SH2D7: variants seen among roughly 807,000 people sequenced by gnomAD.
SH2D7 encodes SH2 domain containing 7, also known as SH2 domain-containing protein 7.
A neutral mutation model predicts 40.8 loss-of-function variants in SH2D7; 32 were observed. The observed-to-expected ratio is 0.78, with a 90% CI of 0.59 to 1.05. The LOEUF (loss-of-function observed/expected upper bound fraction) is 1.05, where lower values mean the gene tolerates loss of function less well. Ranked by LOEUF, SH2D7 falls within the 50% of genes least tolerant of loss-of-function variation. The pLI, the probability that SH2D7 is intolerant of heterozygous loss-of-function variation, is 0.00. For synonymous variants in SH2D7, 195 were observed against 221.5 expected, an observed-to-expected ratio of 0.88 and a Z score of 1.06; for missense variants, 559 against 566.6, an observed-to-expected ratio of 0.99 and a Z score of 0.14.
chr15:78,099,970 A>C (rs1193370244), intron 4 of SH2D7, among the ~76,000 whole-genome samples: 1 of 152,158 alleles, frequency 6.6e-6, no homozygotes, highest in Non-Finnish European at 1.5e-5. Context: ...ACATGACAGA[A>C]AATGTTGCCT....
chr15:78,094,005 T>G, intron 1 of SH2D7, 107 bp from the exon 2 acceptor site: 2 of 1,112,454 alleles, frequency 1.8e-6, no homozygotes, highest in Non-Finnish European at 2.6e-6. Context: ...GTTGGAGGTC[T>G]GGAACCCAAA....
intron 4 of SH2D7, 28 bp from the exon 5 acceptor site, chr15:78,100,870 TA>T: frequency 3.7e-6 from 6 of 1,604,878 alleles, no homozygotes; most frequent in Non-Finnish European, 5.1e-6. Context: ...GGCTGCCCCT[TA>T]AGAGTTTCTC....
intron 4 of SH2D7, among the ~76,000 whole-genome samples, chr15:78,099,263 C>T (rs745712026): frequency 9.3e-5 from 14 of 150,374 alleles, no homozygotes; most frequent in Middle Eastern, 7.3e-3. Flanking sequence ...GTGATCCGCC[C>T]GCCTTGGCTA....
chr15:78,092,873 G>GT, intron 1 of SH2D7, 113 bp downstream of exon 1: 1 of 1,331,178 alleles, frequency 7.5e-7, no homozygotes, highest in Non-Finnish European at 1.0e-6. Flanking sequence ...GGGCTAGGCA[G>GT]GGGCCCTTGG....
Position 78,092,577 on chromosome 15 carries a change from C to T in SH2D7, c.-8C>T, listed in dbSNP as rs2073946172. Reference sequence around the variant, plus strand: ...CTGCGCTCTGCTTCCACTCTGGTGCCTGCCAGCATGGAGGACAGCCTAAAG... The same window carrying T: ...CTGCGCTCTGCTTCCACTCTGGTGCTTGCCAGCATGGAGGACAGCCTAAAG... On this transcript the variant is annotated 5_prime_UTR_variant, in exon 1 of 6. Coordinates refer to ENST00000328828, the MANE Select transcript of SH2D7 (RefSeq NM_001101404.2). 1 of 1,544,294 alleles carries T rather than the reference C, an allele frequency of 6.5e-7. No homozygotes were observed. Among genetic ancestry groups the T allele is most frequent in the Non-Finnish European group, 8.8e-7 (1 of 1,142,430 alleles).
At chr15:78,095,936 G>A (rs547002807) in intron 2 of SH2D7, among the ~76,000 whole-genome samples, 30 of 152,180 alleles carry the variant, frequency 2.0e-4, no homozygotes, top group African/African-American at 5.8e-4. Context: ...TTTGCCTCCC[G>A]GGTTCAAGCA....
Position 78,101,230 on chromosome 15 carries a change from C to G in SH2D7, c.977C>G (p.Ala326Gly). 1 of 1,603,256 alleles carries G rather than the reference C, an allele frequency of 6.2e-7. No individual in the cohort carries two copies. Among genetic ancestry groups the G allele is most frequent in the South Asian group, 1.1e-5 (1 of 89,874 alleles). The change falls in exon 5 of 6, where the codon GCT becomes GGT. Residue 326 changes from alanine to glycine, a missense_variant. Coordinates refer to ENST00000328828, the MANE Select transcript of SH2D7 (RefSeq NM_001101404.2). Reference sequence around the variant, plus strand: ...TCTGATGCCATGGGATCCCTGGGGGCTACCTGGAGGCAGGAGTTTCCAAAG... The same window carrying G: ...TCTGATGCCATGGGATCCCTGGGGGGTACCTGGAGGCAGGAGTTTCCAAAG... ...GCSDAMGSLG[A>G]TWRQEFPKLS...
Position 78,103,723 on chromosome 15 carries a change from G to C in SH2D7, c.*208G>C. The stretch of plus-strand genomic sequence containing the variant: ...GCAGGTGCCTGCAGCTCCTGGCTAT[G>C]TCCTGCTTTCCTTGTGCCTCCCATC... On this transcript the variant is annotated 3_prime_UTR_variant, in exon 6 of 6. Transcript: ENST00000328828. The C allele has an allele frequency of 1.7e-6, 1 of 584,972 alleles. No individual in the cohort carries two copies. The highest frequency in any genetic ancestry group is 3.0e-6 in the Non-Finnish European group (1 of 333,534). 36.2% of individuals were successfully genotyped at this position (584,972 alleles called of 1,614,324 possible).
chr15:78,097,561 T>A (rs2073980923), intron 2 of SH2D7, among the ~76,000 whole-genome samples: 1 of 152,166 alleles, frequency 6.6e-6, no homozygotes, highest in African/African-American at 2.4e-5. Context: ...TTCATATATT[T>A]TGATTTTCTA....
chr15:78,098,557 T>G lies in SH2D7; in HGVS notation c.606T>G (p.Asp202Glu). The G allele has an allele frequency of 6.2e-7, 1 of 1,613,918 alleles. No individual in the cohort carries two copies. Among genetic ancestry groups the G allele is most frequent in the Non-Finnish European group, 8.5e-7 (1 of 1,179,842 alleles). Residue 202 changes from aspartate (D) to glutamate (E), a missense_variant, in exon 4 of 6, where the codon GAT (aspartate) becomes GAG (glutamate). Transcript: ENST00000328828. Reference sequence around the variant, plus strand: ...TCCTCCATGCACAGAAAAGCCTGGATGTGAGTCCCCGGAACCTCTCCCAGG... The same window carrying G: ...TCCTCCATGCACAGAAAAGCCTGGAGGTGAGTCCCCGGAACCTCTCCCAGG... ...VSFLHAQKSL[D>E]VSPRNLSQEE...
rs2073954054 is a variant in SH2D7, at chr15:78,093,852, G to C, written c.177-260G>C. On this transcript the variant is annotated intron_variant, in intron 1 of 5. Coordinates refer to ENST00000328828, the MANE Select transcript of SH2D7 (RefSeq NM_001101404.2). ...CCTGCTAGTGAGGCTGCAGTGGGGA[G>C]TTGGGGGGGTTGCATATGGCTTCAG... Among the ~76,000 whole-genome samples, 4 of 152,360 alleles carry C rather than the reference G, an allele frequency of 2.6e-5. 1 individual carries two copies. The highest frequency in any genetic ancestry group is 2.6e-4 in the Admixed American group (4 of 15,304).
chr15:78,093,953 C>G (rs1400702741), intron 1 of SH2D7, among the ~76,000 whole-genome samples, 159 bp from the exon 2 acceptor site: 1 of 152,180 alleles, frequency 6.6e-6, no homozygotes, highest in Admixed American at 6.5e-5. Flanking sequence ...CCCTGACAGG[C>G]CACAGACCCA....
At chr15:78,100,527 G>A (rs2074006645) in intron 4 of SH2D7, among the ~76,000 whole-genome samples, 1 of 152,114 alleles carries the variant, frequency 6.6e-6, no homozygotes, top group South Asian at 2.1e-4. Context: ...GGGAAAACCT[G>A]TCTCTACAAA....
rs1235072490 is a variant in SH2D7 at position 78,101,153 on chromosome 15, T to C, written c.900T>C (p.Ser300=). ...NRPDGLGPVL[S]GVSPDQGPTE... is the part of the protein sequence containing the mutation. The stretch of plus-strand genomic sequence containing the variant: ...CTGATGGCCTGGGGCCTGTCCTTTC[T>C]GGGGTGAGCCCAGACCAGGGTCCCA... Residue 300 remains serine, a synonymous_variant, in exon 5 of 6, where the codon TCT becomes TCC. Coordinates refer to ENST00000328828, the MANE Select transcript of SH2D7 (RefSeq NM_001101404.2). 1 of 1,564,372 alleles carries C rather than the reference T, an allele frequency of 6.4e-7. No homozygotes were observed. The highest frequency in any genetic ancestry group is 2.2e-5 in the East Asian group (1 of 44,634).
chr15:78,090,640 ATC>A (rs1445854228), upstream of SH2D7, among the ~76,000 whole-genome samples: 3,377 of 151,852 alleles, frequency 0.022, 130 homozygotes, highest in African/African-American at 0.077. Context: ...CATCATCATC[ATC>A]ATCATCATCA....
At chr15:78,097,598 TTGAG>T (rs1257074801) in intron 2 of SH2D7, among the ~76,000 whole-genome samples, 1 of 152,198 alleles carries the variant, frequency 6.6e-6, no homozygotes, top group Non-Finnish European at 1.5e-5. Context: ...GTTTTCTTTA[TTGAG>T]TTTTTTGGTG....
chr15:78,102,405 T>C (rs973517932), intron 5 of SH2D7, among the ~76,000 whole-genome samples: 2 of 152,170 alleles, frequency 1.3e-5, no homozygotes, highest in African/African-American at 4.8e-5. Context: ...TCCTCATCTG[T>C]AAAATGGGCT....
At chr15:78,100,468 C>T (rs146957017) in intron 4 of SH2D7, among the ~76,000 whole-genome samples, 2,105 of 152,184 alleles carry the variant, frequency 0.014, 44 homozygotes, top group African/African-American at 0.048. Context: ...GAGGCTGAGA[C>T]GGGTGGATCA....
intron 2 of SH2D7, among the ~76,000 whole-genome samples, chr15:78,094,655 G>C (rs2073959581): frequency 6.6e-6 from 1 of 152,158 alleles, no homozygotes; most frequent in South Asian, 2.1e-4. Flanking sequence ...GGAATGCCTG[G>C]AAGGGAGGGT....
Sources: gnomAD v4.1 joint callset for allele counts (sites outside exome capture counted in the v4.1 genomes callset) on GRCh38, gnomAD v4.1.1 for gene constraint, MANE v1.5 for transcripts, NCBI Gene and HGNC (gene_info 2026-07-23, HGNC 2026-07-21) for gene names.